Variants in CACNA1B observed in about 807,000 individuals in gnomAD.
CACNA1B encodes calcium voltage-gated channel subunit alpha1 B.
CACNA1B carries 70 observed loss-of-function variants against 247.2 expected under a neutral mutation model. The observed-to-expected ratio is 0.28, with a 90% CI of 0.23 to 0.35. The LOEUF is 0.35. CACNA1B is among the 10% of genes least tolerant of loss of function. The pLI is 1.00. For missense variants in CACNA1B, 2,367 were observed against 3,197.4 expected, an observed-to-expected ratio of 0.74 and a Z score of 6.26; for synonymous variants, 1,231 against 1,294.4, an observed-to-expected ratio of 0.95 and a Z score of 1.05.
intron 31 of CACNA1B, among the ~76,000 whole-genome samples, chr9:138,062,114 C>T (rs1014631376): frequency 6.6e-6 from 1 of 152,204 alleles, no homozygotes; most frequent in Admixed American, 6.5e-5. Flanking sequence ...CTGTCTGCCT[C>T]TCACCTAGAC....
At chr9:138,088,375 A>G (rs113778938) in intron 36 of CACNA1B, among the ~76,000 whole-genome samples, 1 of 152,272 alleles carries the variant, frequency 6.6e-6, no homozygotes, top group African/African-American at 2.4e-5. Flanking sequence ...TCTCAAAAAA[A>G]AAAAAATTGT....
At chr9:137,894,137 C>T (rs559761567) in intron 3 of CACNA1B, among the ~76,000 whole-genome samples, 1 of 152,084 alleles carries the variant, frequency 6.6e-6, no homozygotes, top group South Asian at 2.1e-4. Context: ...GGATAAATGA[C>T]CAAGAGTACA....
At chr9:138,097,741 G>C (rs1380265282) in intron 37 of CACNA1B, among the ~76,000 whole-genome samples, 1 of 152,166 alleles carries the variant, frequency 6.6e-6, no homozygotes, top group Admixed American at 6.5e-5. Flanking sequence ...TGCCCTTACT[G>C]GGGGAGGGCC....
At chr9:137,909,270 G>A (rs1475356952) in intron 3 of CACNA1B, among the ~76,000 whole-genome samples, 3 of 152,298 alleles carry the variant, frequency 2.0e-5, no homozygotes, top group East Asian at 3.9e-4. Flanking sequence ...GATGACAGGC[G>A]TGAGCCACTG....
chr9:137,995,043 T>TA lies in CACNA1B; in HGVS notation c.1974+8195dup, dbSNP rs1214209175. ...AACATGATGAAACCCCAACCCTACT[T>TA]AAAAAAGTACACAAATTAGCCAGGT... On this transcript the variant is annotated intron_variant, in intron 15 of 46. Transcript: ENST00000371372. 2.0e-5 allele frequency among the ~76,000 whole-genome samples: 3 copies of TA among 151,436 alleles called. No homozygotes were observed. The East Asian group carries it at 5.8e-4, about 29-fold the overall frequency.
intron 20 of CACNA1B, among the ~76,000 whole-genome samples, chr9:138,041,852 T>C (rs1959127441): frequency 6.6e-6 from 1 of 152,194 alleles, no homozygotes; most frequent in African/African-American, 2.4e-5. Context: ...ACTCCTGACC[T>C]CAAGTGATCC....
chr9:138,044,222 A>G (rs923499222), intron 21 of CACNA1B, among the ~76,000 whole-genome samples: 2 of 152,124 alleles, frequency 1.3e-5, no homozygotes, highest in Non-Finnish European at 2.9e-5. Context: ...CTGCCTTCCC[A>G]TCACACCTGG....
Position 137,956,798 on chromosome 9 carries a change from G to C in CACNA1B, c.1214G>C (p.Arg405Thr). The change falls in exon 9 of 47, where the codon AGG becomes ACG. Residue 405 changes from arginine to threonine, a missense_variant. By Grantham distance (71) the Arg-to-Thr change is moderately conservative. Around this residue, in one of 12 missense-constraint regions of CACNA1B, gnomAD observed 219 missense variants for 297.6 expected, o/e 0.74. Transcript: ENST00000371372. ...GAAGTCATGCTGGCCGAGGAGGACA[G>C]GAATGCAGAGGAGAAGTCCCCTTTG... is the stretch of plus-strand genomic sequence containing the variant. Reference protein sequence around the residue: ...AEEVMLAEEDRNAEEKSPLDV... With the variant: ...AEEVMLAEEDTNAEEKSPLDV... The C allele has an allele frequency of 6.2e-7, 1 of 1,613,842 alleles. No homozygotes were observed. Among genetic ancestry groups the C allele is most frequent in the Non-Finnish European group, 8.5e-7 (1 of 1,179,786 alleles).
chr9:137,912,846 G>T (rs1297522685), intron 3 of CACNA1B, among the ~76,000 whole-genome samples: 1 of 152,182 alleles, frequency 6.6e-6, no homozygotes, highest in African/African-American at 2.4e-5. Context: ...AACTCAATTG[G>T]TAGACAGATT....
intron 5 of CACNA1B, among the ~76,000 whole-genome samples, chr9:137,916,521 G>A (rs570867996): frequency 1.3e-5 from 2 of 152,280 alleles, no homozygotes; most frequent in Admixed American, 1.3e-4. Flanking sequence ...CGCCCTGTAG[G>A]GTCAGTGCAG....
At chr9:137,983,497 C>T (rs759751131) in intron 12 of CACNA1B, among the ~76,000 whole-genome samples, 11 of 152,076 alleles carry the variant, frequency 7.2e-5, no homozygotes, top group East Asian at 1.9e-4. Context: ...GAAGGAGGGA[C>T]GTGTACCTTG....
chr9:137,954,349 C>G lies in CACNA1B; in HGVS notation c.1071-1349C>G, dbSNP rs77826605. Reference sequence around the variant, plus strand: ...CAATTCGGCATCTCTCTCTCCATTCCCAGAGCTCCCATCCTCACAGCATCC... The same window carrying G: ...CAATTCGGCATCTCTCTCTCCATTCGCAGAGCTCCCATCCTCACAGCATCC... On this transcript the variant is annotated intron_variant, in intron 7 of 46. Transcript: ENST00000371372. This position sits in a 1 kb window ranked among gnomAD's most constrained non-coding sequence, Gnocchi z 4.1. 8.7e-3 allele frequency among the ~76,000 whole-genome samples: 1,318 copies of G among 152,318 alleles called. 75 individuals carry two copies. The East Asian group carries it at 0.15, about 18-fold the overall frequency.
chr9:137,975,302 C>T (rs1012548815), intron 11 of CACNA1B, among the ~76,000 whole-genome samples: 3 of 152,150 alleles, frequency 2.0e-5, no homozygotes, highest in African/African-American at 4.8e-5. Flanking sequence ...TTGGCAGCCT[C>T]GTGCTGGAGA....
intron 3 of CACNA1B, chr9:137,892,312 G>C: frequency 2.2e-6 from 1 of 456,778 alleles, no homozygotes; most frequent in South Asian, 1.5e-5. Context: ...TCTCCTCCTG[G>C]CTGGCAGATG....
intron 3 of CACNA1B, among the ~76,000 whole-genome samples, chr9:137,898,688 T>TC (rs1676779928): frequency 6.6e-6 from 1 of 151,206 alleles, no homozygotes. Context: ...AAAAATTTTT[T>TC]TTTTTTTTTT....
intron 36 of CACNA1B, among the ~76,000 whole-genome samples, chr9:138,093,609 C>CA (rs1960954605): frequency 6.6e-6 from 1 of 151,308 alleles, no homozygotes; most frequent in Non-Finnish European, 1.5e-5. Context: ...GGTGTGGTCT[C>CA]ATACACTTGT....
chr9:137,946,609 A>T (rs1198400297), intron 6 of CACNA1B, among the ~76,000 whole-genome samples: 1 of 151,912 alleles, frequency 6.6e-6, no homozygotes, highest in Non-Finnish European at 1.5e-5. Context: ...TGAGAAAAAA[A>T]AAAAAAGGGA....
intron 6 of CACNA1B, among the ~76,000 whole-genome samples, chr9:137,944,455 TCC>T (rs1957771137): frequency 6.6e-6 from 1 of 152,140 alleles, no homozygotes; most frequent in Admixed American, 6.5e-5. Flanking sequence ...TGTGTTATAG[TCC>T]CAATTAGGAT....
chr9:137,904,978 G>A (rs962368735), intron 3 of CACNA1B, among the ~76,000 whole-genome samples: 2 of 152,104 alleles, frequency 1.3e-5, no homozygotes, highest in African/African-American at 2.4e-5. Context: ...GATTTTGTGC[G>A]TAGAAAATAT....
Sources: gnomAD v4.1 joint callset for allele counts (sites outside exome capture counted in the v4.1 genomes callset) on GRCh38, gnomAD v4.1.1 for gene constraint, gnomAD v4.1.1 regional missense constraint, Gnocchi (gnomAD v3.1) non-coding constraint, MANE v1.5 for transcripts, NCBI Gene and HGNC (gene_info 2026-07-23, HGNC 2026-07-21) for gene names.